PCSK6: variants seen among roughly 807,000 people sequenced by gnomAD.
PCSK6 encodes paired basic amino acid cleaving enzyme 4.
Under a neutral mutation model 123.3 loss-of-function variants are expected in PCSK6, and 85 were observed. The observed-to-expected ratio is 0.69, with a 90% confidence interval of 0.58 to 0.83. The LOEUF is 0.83. Ranked by LOEUF, PCSK6 falls within the 40% of genes least tolerant of loss-of-function variation. The pLI, the probability that PCSK6 is intolerant of heterozygous loss-of-function variation, is 0.00. For synonymous variants in PCSK6, 508 were observed against 516.0 expected (o/e 0.98, Z 0.21); for missense variants, 1,191 against 1,282.3 (o/e 0.93, Z 1.09).
intron 19 of PCSK6, among the ~76,000 whole-genome samples, chr15:101,316,035 G>A (rs2039983843): frequency 6.6e-6 from 1 of 152,238 alleles, no homozygotes; most frequent in South Asian, 2.1e-4. Flanking sequence ...CCCTGGGTGG[G>A]TGGTGGACAG....
At chr15:101,457,159 G>A (rs1351985050) in intron 1 of PCSK6, among the ~76,000 whole-genome samples, 1 of 152,002 alleles carries the variant, frequency 6.6e-6, no homozygotes, top group African/African-American at 2.4e-5. Flanking sequence ...GCAACAGAGT[G>A]AGATTCCATC....
intron 1 of PCSK6, among the ~76,000 whole-genome samples, chr15:101,465,139 C>G (rs550602980): frequency 7.2e-5 from 11 of 152,192 alleles, no homozygotes; most frequent in Non-Finnish European, 1.2e-4. Flanking sequence ...AGGCTGGGAC[C>G]CTTTAAGAAA....
chr15:101,439,228 C>T (rs572297905), intron 2 of PCSK6, among the ~76,000 whole-genome samples: 4 of 152,318 alleles, frequency 2.6e-5, no homozygotes, highest in Non-Finnish European at 4.4e-5. Flanking sequence ...TGCGGATGAG[C>T]GCTTCCCTCT....
chr15:101,335,402 GT>G (rs1325658572), intron 13 of PCSK6, among the ~76,000 whole-genome samples: 3 of 152,336 alleles, frequency 2.0e-5, no homozygotes, highest in African/African-American at 7.2e-5. Context: ...AGTACTCGGG[GT>G]TTTGATTTTT....
chr15:101,336,231 C>T (rs140796578), intron 13 of PCSK6, among the ~76,000 whole-genome samples: 68 of 152,284 alleles, frequency 4.5e-4, no homozygotes, highest in African/African-American at 1.2e-3. Context: ...TCATTTGTAA[C>T]GTGGGGATAA....
At chr15:101,367,429 G>T (rs190906900) in intron 12 of PCSK6, among the ~76,000 whole-genome samples, 1 of 152,076 alleles carries the variant, frequency 6.6e-6, no homozygotes, top group Non-Finnish European at 1.5e-5. Flanking sequence ...CCAATCTGGG[G>T]GTTCTCTGAA....
intron 6 of PCSK6, among the ~76,000 whole-genome samples, chr15:101,412,995 G>A (rs1212666255): frequency 7.6e-6 from 1 of 131,712 alleles, no homozygotes; most frequent in African/African-American, 3.4e-5. Context: ...CTCTAATAAT[G>A]GAGGAGGAGT....
At chr15:101,419,404 C>T (rs2056003387) in intron 6 of PCSK6, among the ~76,000 whole-genome samples, 1 of 151,812 alleles carries the variant, frequency 6.6e-6, no homozygotes, top group African/African-American at 2.4e-5. Flanking sequence ...CTTTAAAAAA[C>T]AATGTAAAAG....
In PCSK6 at chr15:101,322,588, T is replaced by C. The variant is rs779628751; in HGVS notation, c.2397A>G (p.Lys799=). ...YADESQKNCL[K]CHPSCKKCVD... ...CGCACTTTTTACAGCTTGGGTGGCA[T>C]TTAAGGCAATTTTTCTGACCTGGAG... is the stretch of plus-strand genomic sequence containing the variant. The change falls in exon 18 of 22, where the codon AAA becomes AAG. Residue 799 remains lysine, a synonymous_variant. Coordinates refer to ENST00000611716, the MANE Select transcript of PCSK6 (RefSeq NM_002570.5). 1 of 1,612,322 alleles carries C rather than the reference T, an allele frequency of 6.2e-7. No individual in the cohort carries two copies. Among genetic ancestry groups the C allele is most frequent in the Non-Finnish European group, 8.5e-7 (1 of 1,178,522 alleles).
Position 101,373,177 on chromosome 15 carries a change from G to A in PCSK6, c.1533-2654C>T, listed in dbSNP as rs527727575. Reference sequence around the variant, plus strand: ...GCCGCTGCATAAAGAAGGCTGGGTTGGGTGTGATCCTCCGCCAGCCCCGCT... The same window carrying A: ...GCCGCTGCATAAAGAAGGCTGGGTTAGGTGTGATCCTCCGCCAGCCCCGCT... On this transcript the variant is annotated intron_variant, in intron 11 of 21. Transcript: ENST00000611716. 3.3e-5 allele frequency among the ~76,000 whole-genome samples: 5 copies of A among 152,294 alleles called. No individual in the cohort carries two copies. The South Asian group carries it at 1.0e-3, about 32-fold the overall frequency.
At chr15:101,367,511 G>A (rs1434576067) in intron 12 of PCSK6, among the ~76,000 whole-genome samples, 1 of 152,200 alleles carries the variant, frequency 6.6e-6, no homozygotes, top group East Asian at 1.9e-4. Flanking sequence ...GAAGCATCCT[G>A]TGCTTTCTTC....
chr15:101,360,742 G>A (rs190232125), intron 13 of PCSK6, among the ~76,000 whole-genome samples: 14 of 151,232 alleles, frequency 9.3e-5, no homozygotes, highest in African/African-American at 3.2e-4. Context: ...TCCCCTGAAC[G>A]CTTTGCTTGG....
At chr15:101,371,882 C>T (rs1444466633) in intron 11 of PCSK6, among the ~76,000 whole-genome samples, 2 of 152,192 alleles carry the variant, frequency 1.3e-5, no homozygotes, top group African/African-American at 4.8e-5. Flanking sequence ...CACTTTCCTG[C>T]CCTGTCATGG....
chr15:101,335,504 G>A (rs1432637164), intron 13 of PCSK6, among the ~76,000 whole-genome samples: 2 of 152,154 alleles, frequency 1.3e-5, no homozygotes, highest in African/African-American at 4.8e-5. Context: ...GGGCAATGTT[G>A]GTTCCCCGTT....
chr15:101,477,904 A>G (rs1394146855), intron 1 of PCSK6, among the ~76,000 whole-genome samples: 2 of 152,250 alleles, frequency 1.3e-5, no homozygotes, highest in Non-Finnish European at 2.9e-5. Flanking sequence ...TCATTCCTGC[A>G]TAGATAAGCC....
At position 101,380,293 on chromosome 15, in the gene PCSK6, C is replaced by T. The variant is rs3784490; in HGVS notation, c.1532+1799G>A. Among the ~76,000 whole-genome samples the T allele has an allele frequency of 6.7e-3, 1,021 of 152,366 alleles. 22 individuals carry two copies. In the East Asian group the frequency reaches 0.075, roughly 11 times the overall value. On this transcript the variant is annotated intron_variant, in intron 11 of 21. Transcript: ENST00000611716. The stretch of plus-strand genomic sequence containing the variant: ...CCACTCTGCCATCTTAAAACGATTT[C>T]TGGCAGGAGAAGAATGCTTCATTCA...
At chr15:101,401,053 C>T (rs931688480) in intron 6 of PCSK6, among the ~76,000 whole-genome samples, 4 of 152,208 alleles carry the variant, frequency 2.6e-5, no homozygotes, top group Non-Finnish European at 5.9e-5. Context: ...TAGGGCTCGG[C>T]ATGTTGACCT....
At chr15:101,400,449 C>T (rs187603087) in intron 6 of PCSK6, among the ~76,000 whole-genome samples, 26 of 152,316 alleles carry the variant, frequency 1.7e-4, no homozygotes, top group Admixed American at 1.4e-3. Flanking sequence ...CCAGAATCTA[C>T]ATCAACACGT....
At chr15:101,434,200 C>A (rs941050325) in intron 2 of PCSK6, among the ~76,000 whole-genome samples, 2 of 152,192 alleles carry the variant, frequency 1.3e-5, no homozygotes, top group Non-Finnish European at 2.9e-5. Context: ...CTGTTCAGCA[C>A]GCTATTACAA....
Sources: gnomAD v4.1 joint callset for allele counts (sites outside exome capture counted in the v4.1 genomes callset) on GRCh38, gnomAD v4.1.1 for gene constraint, MANE v1.5 for transcripts, NCBI Gene and HGNC (gene_info 2026-07-23, HGNC 2026-07-21) for gene names.